The following ADGRB3 variants were observed in gnomAD, a reference collection of about 807,000 sequenced individuals.
The protein encoded by ADGRB3 is brain-specific angiogenesis inhibitor 3.
ADGRB3 carries 37 observed loss-of-function variants against 193.4 expected under a neutral mutation model. The observed-to-expected ratio is 0.19, with a 90% CI of 0.15 to 0.25. The LOEUF (loss-of-function observed/expected upper bound fraction) is 0.25, where lower values mean the gene tolerates loss of function less well. ADGRB3 is among the 10% of genes least tolerant of loss of function. ADGRB3 has a pLI of 1.00. For missense variants in ADGRB3, 1,637 were observed against 1,852.9 expected, an observed-to-expected ratio of 0.88 and a Z score of 2.14; for synonymous variants, 690 against 644.2, an observed-to-expected ratio of 1.07 and a Z score of -1.08.
chr6:68,862,122 G>A (rs1229700926), intron 3 of ADGRB3, among the ~76,000 whole-genome samples: 1 of 54,122 alleles, frequency 1.8e-5, no homozygotes, highest in Non-Finnish European at 3.6e-5. Flanking sequence ...TGTTTAAAGA[G>A]GAGGAGGGAC....
At chr6:69,178,689 G>A (rs1775499836) in intron 17 of ADGRB3, among the ~76,000 whole-genome samples, 1 of 152,084 alleles carries the variant, frequency 6.6e-6, no homozygotes, top group Non-Finnish European at 1.5e-5. Flanking sequence ...AAAAAAATTT[G>A]TTTCTCCCTT....
intron 17 of ADGRB3, among the ~76,000 whole-genome samples, chr6:69,158,314 G>A (rs190373695): frequency 8.5e-4 from 129 of 151,726 alleles, no homozygotes; most frequent in African/African-American, 3.0e-3. Flanking sequence ...TTGGATAATT[G>A]CATCTTCCTT....
At chr6:69,021,491 G>A (rs1178387576) in intron 13 of ADGRB3, among the ~76,000 whole-genome samples, 5 of 151,880 alleles carry the variant, frequency 3.3e-5, no homozygotes, top group Admixed American at 2.0e-4. Context: ...GAATGGGTTG[G>A]AAGCAGAAGC....
intron 31 of ADGRB3, among the ~76,000 whole-genome samples, chr6:69,383,329 C>T (rs1769991201): frequency 1.3e-5 from 2 of 151,810 alleles, no homozygotes; most frequent in African/African-American, 2.4e-5. Context: ...AAGTTGTAAC[C>T]TGAAACCAGA....
intron 20 of ADGRB3, among the ~76,000 whole-genome samples, chr6:69,318,859 C>CTA (rs1768375616): frequency 8.9e-6 from 1 of 112,480 alleles, no homozygotes; most frequent in African/African-American, 4.9e-5. Flanking sequence ...ATATGTATAA[C>CTA]TGTATATATA....
intron 3 of ADGRB3, among the ~76,000 whole-genome samples, chr6:68,717,266 A>G (rs1765504248): frequency 6.6e-6 from 1 of 151,726 alleles, no homozygotes; most frequent in South Asian, 2.1e-4. Flanking sequence ...CAATATATCT[A>G]TATATAATTC....
At chr6:68,882,053 G>A (rs966794900) in intron 3 of ADGRB3, among the ~76,000 whole-genome samples, 7 of 152,058 alleles carry the variant, frequency 4.6e-5, no homozygotes, top group South Asian at 2.1e-4. Context: ...AACTAGAGCC[G>A]TTAGCAAGCT....
intron 3 of ADGRB3, among the ~76,000 whole-genome samples, chr6:68,699,182 A>G (rs1415765822): frequency 2.0e-5 from 3 of 152,268 alleles, no homozygotes; most frequent in African/African-American, 7.2e-5. Context: ...CAATTAGAGA[A>G]ACTTGTTCTT....
chr6:69,002,264 G>T (rs1233635160), intron 11 of ADGRB3, among the ~76,000 whole-genome samples: 1 of 150,278 alleles, frequency 6.7e-6, no homozygotes, highest in Non-Finnish European at 1.5e-5. Context: ...CTGTCGCCAG[G>T]CTGGAGTACA....
chr6:68,657,884 C>A (rs2127285180), intron 3 of ADGRB3, among the ~76,000 whole-genome samples: 1 of 151,144 alleles, frequency 6.6e-6, no homozygotes, highest in Non-Finnish European at 1.5e-5. Flanking sequence ...CAACTTAACC[C>A]CAAATGTATA....
chr6:68,677,700 G>T (rs1769130498), intron 3 of ADGRB3, among the ~76,000 whole-genome samples: 1 of 151,536 alleles, frequency 6.6e-6, no homozygotes, highest in African/African-American at 2.4e-5. Context: ...GTAGTTTTTG[G>T]CAGAGAAGGA....
intron 17 of ADGRB3, among the ~76,000 whole-genome samples, chr6:69,177,357 T>A (rs77884067): frequency 0.14 from 21,449 of 151,950 alleles, 1,553 homozygotes; most frequent in Middle Eastern, 0.16. Context: ...AAGATTTTTT[T>A]TTTTATTTTT....
At chr6:69,172,002 A>G (rs944283815) in intron 17 of ADGRB3, among the ~76,000 whole-genome samples, 1 of 152,152 alleles carries the variant, frequency 6.6e-6, no homozygotes, top group Non-Finnish European at 1.5e-5. Flanking sequence ...TCCTGGAAGT[A>G]TGGTACCTCA....
chr6:69,297,410 C>CTATATATA (rs753511956), intron 20 of ADGRB3, among the ~76,000 whole-genome samples: 22 of 128,240 alleles, frequency 1.7e-4, no homozygotes, highest in African/African-American at 4.5e-4. Flanking sequence ...CTCTCTCTCT[C>CTATATATA]TATATATATA....
At chr6:69,264,345 T>C (rs1582589225) in intron 20 of ADGRB3, among the ~76,000 whole-genome samples, 1 of 151,894 alleles carries the variant, frequency 6.6e-6, no homozygotes, top group East Asian at 1.9e-4. Context: ...AAACTATCAG[T>C]GTGATCAGTT....
intron 3 of ADGRB3, among the ~76,000 whole-genome samples, chr6:68,875,725 A>T (rs1765578595): frequency 6.6e-6 from 1 of 152,092 alleles, no homozygotes; most frequent in South Asian, 2.1e-4. Context: ...CAATATTTTA[A>T]TCACATAAAA....
At chr6:69,330,005 A>G (rs981607045) in intron 22 of ADGRB3, among the ~76,000 whole-genome samples, 1 of 152,194 alleles carries the variant, frequency 6.6e-6, no homozygotes, top group Non-Finnish European at 1.5e-5. Flanking sequence ...ATAGCATGCA[A>G]ATGTAGCTTA....
At chr6:69,026,596 G>A (rs1582403237) in intron 13 of ADGRB3, among the ~76,000 whole-genome samples, 1 of 152,138 alleles carries the variant, frequency 6.6e-6, no homozygotes, top group African/African-American at 2.4e-5. Flanking sequence ...CTTACCTAAG[G>A]GGATACATCC....
At chr6:68,748,924 A>G (rs1315793702) in intron 3 of ADGRB3, among the ~76,000 whole-genome samples, 1 of 152,174 alleles carries the variant, frequency 6.6e-6, no homozygotes, top group Non-Finnish European at 1.5e-5. Flanking sequence ...CACAGGCCCA[A>G]TGCCACATGT....
Sources: gnomAD v4.1 joint callset for allele counts (sites outside exome capture counted in the v4.1 genomes callset) on GRCh38, gnomAD v4.1.1 for gene constraint, MANE v1.5 for transcripts, NCBI Gene and HGNC (gene_info 2026-07-23, HGNC 2026-07-21) for gene names.